The following WDR72 variants were observed in gnomAD, a reference collection of about 807,000 sequenced individuals.
WDR72 encodes WD repeat-containing protein 72.
Under a neutral mutation model 124.2 loss-of-function variants are expected in WDR72, and 120 were observed. The ratio of observed to expected loss-of-function variants is 0.97; its 90% CI spans 0.83 to 1.12. The LOEUF is 1.12. Among genes scored for constraint, WDR72 ranks in the 50% most tolerant of loss-of-function variants. The probability of loss-of-function intolerance (pLI) is 0.00; values close to 1 mark genes in which losing one functional copy is unlikely to be tolerated. For synonymous variants in WDR72, 452 were observed against 441.7 expected, an observed-to-expected ratio of 1.02 and a Z score of -0.29; for missense variants, 1,387 against 1,278.8, an observed-to-expected ratio of 1.08 and a Z score of -1.29.
chr15:53,670,291 G>A (rs759334592), intron 13 of WDR72, among the ~76,000 whole-genome samples: 87 of 152,130 alleles, frequency 5.7e-4, no homozygotes, highest in Non-Finnish European at 1.2e-3. Flanking sequence ...AAGAAATGAA[G>A]GAAAGATCAG....
chr15:53,646,333 T>C (rs1479656514), intron 14 of WDR72, among the ~76,000 whole-genome samples: 2 of 152,160 alleles, frequency 1.3e-5, no homozygotes, highest in Non-Finnish European at 2.9e-5. Context: ...CATATTCTCT[T>C]ATCATATTTC....
chr15:53,651,474 A>G (rs1376757657), intron 14 of WDR72, among the ~76,000 whole-genome samples: 2 of 152,214 alleles, frequency 1.3e-5, no homozygotes, highest in Non-Finnish European at 2.9e-5. Flanking sequence ...TACATAGTAG[A>G]TGTTCAATGA....
intron 19 of WDR72, among the ~76,000 whole-genome samples, chr15:53,522,009 T>C (rs1032036566): frequency 5.9e-5 from 9 of 152,068 alleles, no homozygotes; most frequent in Non-Finnish European, 1.2e-4. Context: ...AAAGATGCCA[T>C]TTCTCAGTTC....
chr15:53,639,358 C>T (rs896490185), intron 14 of WDR72, among the ~76,000 whole-genome samples: 4 of 151,758 alleles, frequency 2.6e-5, no homozygotes, highest in South Asian at 4.2e-4. Context: ...TGTCCAGGTG[C>T]GGTTGCTCAT....
chr15:53,644,649 G>T (rs1032613834), intron 14 of WDR72, among the ~76,000 whole-genome samples: 3 of 152,058 alleles, frequency 2.0e-5, no homozygotes, highest in Non-Finnish European at 4.4e-5. Context: ...AAATCGAACA[G>T]CAAGGTGTAA....
chr15:53,603,718 A>C (rs2013147246), intron 17 of WDR72, among the ~76,000 whole-genome samples: 2 of 152,116 alleles, frequency 1.3e-5, no homozygotes, highest in Admixed American at 1.3e-4. Context: ...ATCACAAACG[A>C]ACTCCCATTC....
chr15:53,670,812 G>A (rs1195384216), intron 13 of WDR72, among the ~76,000 whole-genome samples: 3 of 152,106 alleles, frequency 2.0e-5, no homozygotes, highest in African/African-American at 4.8e-5. Context: ...TTTGTCACAC[G>A]AGAGAGGTCC....
chr15:53,746,586 G>C (rs1164318416), intron 1 of WDR72, among the ~76,000 whole-genome samples: 5 of 152,170 alleles, frequency 3.3e-5, no homozygotes, highest in Non-Finnish European at 7.3e-5. Flanking sequence ...ATAGTTATGT[G>C]ACCTCTGTGA....
rs114086658 is a variant in WDR72 at position 53,590,146 on chromosome 15, G to A, written c.3148+6933C>T. On this transcript the variant is annotated intron_variant, in intron 18 of 19. Coordinates refer to ENST00000360509, the MANE Select transcript of WDR72 (RefSeq NM_182758.4). ...AATACCTTGATATTTAAATGAGATTGTCTATTAGATAATTAAAATTAATCT... is the reference window on the plus strand; with the variant it reads ...AATACCTTGATATTTAAATGAGATTATCTATTAGATAATTAAAATTAATCT... Among the ~76,000 whole-genome samples, 543 of 151,820 alleles carry A rather than the reference G, an allele frequency of 3.6e-3. 1 individual carries two copies. Among genetic ancestry groups the A allele is most frequent in the African/African-American group, 0.013 (520 of 41,398 alleles).
At chr15:53,710,069 A>C (rs866304360) in intron 9 of WDR72, among the ~76,000 whole-genome samples, 4 of 152,304 alleles carry the variant, frequency 2.6e-5, no homozygotes, top group Middle Eastern at 3.4e-3. Flanking sequence ...GGCTTCCTAG[A>C]ATGTCAGAGG....
At chr15:53,601,257 C>A (rs751007729) in intron 17 of WDR72, among the ~76,000 whole-genome samples, 2 of 152,006 alleles carry the variant, frequency 1.3e-5, no homozygotes, top group Non-Finnish European at 2.9e-5. Flanking sequence ...TCTAGCCTAA[C>A]TAAGCTTCAT....
At chr15:53,612,681 C>T (rs535286067) in intron 16 of WDR72, among the ~76,000 whole-genome samples, 4 of 152,152 alleles carry the variant, frequency 2.6e-5, no homozygotes, top group African/African-American at 9.6e-5. Context: ...TCCTATAGGG[C>T]TTTCTGTGCT....
intron 1 of WDR72, chr15:53,756,963 CA>C (rs540612209): frequency 5.6e-4 from 85 of 152,332 alleles, no homozygotes; most frequent in African/African-American, 1.8e-3. Context: ...TGTTCCCCTA[CA>C]GCAATGATAT....
chr15:53,733,066 G>C lies in WDR72; in HGVS notation c.84C>G (p.Asp28Glu), dbSNP rs759424132. The change falls in exon 2 of 20, where the codon GAC (aspartate) becomes GAG (glutamate). Residue 28 changes from aspartate to glutamate, a missense_variant. By Grantham distance (45) the Asp-to-Glu change is conservative. Transcript: ENST00000360509. ...GACTTCCAGTCACAATCGTTCGCTG[G>C]TCATCAGTGATCATGATGGCAGTGA... ...HSITAIMITD[D>E]QRTIVTGSQE... is the part of the protein sequence containing the mutation. The C allele has an allele frequency of 6.2e-7, 1 of 1,614,030 alleles. No homozygotes were observed. Among genetic ancestry groups the C allele is most frequent in the Non-Finnish European group, 8.5e-7 (1 of 1,179,942 alleles).
chr15:53,583,981 T>C (rs1012115312), intron 18 of WDR72, among the ~76,000 whole-genome samples: 4 of 152,010 alleles, frequency 2.6e-5, no homozygotes, highest in African/African-American at 9.7e-5. Context: ...AGAGATAATA[T>C]ATCCTATTCC....
chr15:53,730,222 T>C (rs1419978142), intron 2 of WDR72, among the ~76,000 whole-genome samples: 2 of 152,214 alleles, frequency 1.3e-5, no homozygotes, highest in African/African-American at 4.8e-5. Flanking sequence ...TGCTCCAGCA[T>C]GAATGAACCT....
At chr15:53,720,523 T>A (rs1432449968) in intron 3 of WDR72, among the ~76,000 whole-genome samples, 5 of 152,252 alleles carry the variant, frequency 3.3e-5, no homozygotes, top group Non-Finnish European at 1.5e-5. Flanking sequence ...TCTGTTGGTA[T>A]AGTGAGTACC....
At chr15:53,562,407 T>C (rs572210045) in intron 18 of WDR72, among the ~76,000 whole-genome samples, 38 of 151,928 alleles carry the variant, frequency 2.5e-4, no homozygotes, top group Middle Eastern at 3.4e-3. Flanking sequence ...TAGAAGCAAC[T>C]GAGAGTTTGT....
chr15:53,611,548 ACTAT>A (rs1276959158), intron 16 of WDR72, among the ~76,000 whole-genome samples: 1 of 152,164 alleles, frequency 6.6e-6, no homozygotes, highest in African/African-American at 2.4e-5. Flanking sequence ...AATAAGAGTA[ACTAT>A]CTAAGGAGAA....
Sources: allele counts gnomAD v4.1 joint callset (sites outside exome capture counted in the v4.1 genomes callset), GRCh38; gene constraint gnomAD v4.1.1; transcripts MANE v1.5; gene names NCBI Gene and HGNC (gene_info 2026-07-23, HGNC 2026-07-21).